OSBPL11: variants seen among roughly 807,000 people sequenced by gnomAD.
The protein encoded by OSBPL11 is oxysterol binding protein like 11, also known as oxysterol-binding protein-related protein 11.
In OSBPL11, 33 loss-of-function variants were observed where a neutral mutation model predicts 84.4. That is an observed-to-expected ratio of 0.39 (90% confidence interval 0.30 to 0.52). The LOEUF is 0.52. OSBPL11 is among the 20% of genes least tolerant of loss of function. The pLI is 0.72. For synonymous variants in OSBPL11, 276 were observed against 310.2 expected, an observed-to-expected ratio of 0.89 and a Z score of 1.16; for missense variants, 736 against 901.1, an observed-to-expected ratio of 0.82 and a Z score of 2.35.
At chr3:125,530,716 C>T (rs1411340633) in intron 12 of OSBPL11, 136 bp from the exon 13 acceptor site, 1 of 718,994 alleles carries the variant, frequency 1.4e-6, no homozygotes, top group Non-Finnish European at 2.4e-6. Flanking sequence ...GGAATAAAGT[C>T]TTTGTGATTA....
At chr3:125,580,331 A>G (rs1406955904) in intron 2 of OSBPL11, among the ~76,000 whole-genome samples, 1 of 152,048 alleles carries the variant, frequency 6.6e-6, no homozygotes, top group Non-Finnish European at 1.5e-5. Context: ...CCTGGCCAAC[A>G]TGGTGAAACC....
At chr3:125,574,846 G>C (rs1307583357) in intron 5 of OSBPL11, among the ~76,000 whole-genome samples, 1 of 152,146 alleles carries the variant, frequency 6.6e-6, no homozygotes. Flanking sequence ...TGCCTGCACA[G>C]TGTTACAAAA....
At chr3:125,555,631 G>T (rs1935981227) in intron 8 of OSBPL11, among the ~76,000 whole-genome samples, 1 of 151,650 alleles carries the variant, frequency 6.6e-6, no homozygotes. Flanking sequence ...ACAAACAAAA[G>T]ATCAGGAATC....
intron 1 of OSBPL11, among the ~76,000 whole-genome samples, chr3:125,590,533 C>T (rs1426795006): frequency 6.6e-6 from 1 of 151,970 alleles, no homozygotes; most frequent in Non-Finnish European, 1.5e-5. Context: ...CCAGCCTGCA[C>T]AAGAGGACCA....
intron 10 of OSBPL11, among the ~76,000 whole-genome samples, chr3:125,545,157 T>A (rs1935791559): frequency 6.6e-6 from 1 of 152,232 alleles, no homozygotes; most frequent in Non-Finnish European, 1.5e-5. Flanking sequence ...TTACATTTTA[T>A]GGAGAGCTAC....
chr3:125,573,872 CAAAAAAAAAAAAAAAA>C (rs35902125), intron 5 of OSBPL11, among the ~76,000 whole-genome samples: 4 of 43,526 alleles, frequency 9.2e-5, no homozygotes, highest in Non-Finnish European at 4.0e-5. Flanking sequence ...AACTCCGTCT[CAAAAAAAAAAAAAAAA>C]AAAAAAAAGG....
chr3:125,582,841 T>C, intron 2 of OSBPL11, 69 bp downstream of exon 2: 1 of 1,118,590 alleles, frequency 8.9e-7, no homozygotes. Context: ...AATATCAAAA[T>C]ATAAAATTAT....
intron 12 of OSBPL11, among the ~76,000 whole-genome samples, chr3:125,531,581 G>A (rs188979285): frequency 2.0e-3 from 305 of 152,086 alleles, no homozygotes; most frequent in Non-Finnish European, 3.3e-3. Context: ...ATGAGCCACC[G>A]AGCCCGGCCA....
intron 9 of OSBPL11, among the ~76,000 whole-genome samples, chr3:125,549,123 G>C (rs577041014): frequency 6.6e-6 from 1 of 152,184 alleles, no homozygotes; most frequent in Admixed American, 6.5e-5. Flanking sequence ...CCGGGTTCAA[G>C]CAATTCTCCT....
At chr3:125,557,526 C>G (rs959267043) in intron 8 of OSBPL11, among the ~76,000 whole-genome samples, 2 of 152,192 alleles carry the variant, frequency 1.3e-5, no homozygotes, top group Admixed American at 1.3e-4. Flanking sequence ...AGATTACAGG[C>G]GTGCACCACC....
chr3:125,531,626 C>T (rs1485499344), intron 12 of OSBPL11, among the ~76,000 whole-genome samples: 1 of 152,026 alleles, frequency 6.6e-6, no homozygotes, highest in African/African-American at 2.4e-5. Flanking sequence ...TATAGATGTT[C>T]TCACTTAGAA....
Position 125,594,835 on chromosome 3 carries a change from G to C in OSBPL11, c.-35C>G. On this transcript the variant is annotated 5_prime_UTR_variant, in exon 1 of 13. Coordinates refer to ENST00000296220, the MANE Select transcript of OSBPL11 (RefSeq NM_022776.5). The stretch of plus-strand genomic sequence containing the variant: ...AAAGTCCACTTGCCCTTCTTGAGCG[G>C]GAGAGAACAATTCTGTAGTTCTGTA... 1 of 1,603,866 alleles carries C rather than the reference G, an allele frequency of 6.2e-7. No individual in the cohort carries two copies. The highest frequency in any genetic ancestry group is 1.1e-5 in the South Asian group (1 of 90,286).
chr3:125,546,736 CA>C (rs1299380441), intron 10 of OSBPL11, among the ~76,000 whole-genome samples: 2 of 151,914 alleles, frequency 1.3e-5, no homozygotes, highest in Admixed American at 6.6e-5. Context: ...ACTAAAAATA[CA>C]AAAAGCAGCC....
intron 5 of OSBPL11, among the ~76,000 whole-genome samples, chr3:125,574,761 A>G (rs187152137): frequency 5.3e-4 from 81 of 152,306 alleles, no homozygotes; most frequent in African/African-American, 1.7e-3. Flanking sequence ...TACTCACTGT[A>G]TAATAATAAA....
At position 125,578,152 on chromosome 3, in the gene OSBPL11, A is replaced by T. The variant is rs967847820; in HGVS notation, c.489+808T>A. 7.2e-5 allele frequency among the ~76,000 whole-genome samples: 11 copies of T among 152,374 alleles called. No individual in the cohort carries two copies. The East Asian group carries it at 2.1e-3, about 29-fold the overall frequency. ...TGTCCACCAATTGATGGATTAAAAA[A>T]GTAGTATATCTATACAATAAAATAT... On this transcript the variant is annotated intron_variant, in intron 4 of 12. Coordinates refer to ENST00000296220, the MANE Select transcript of OSBPL11 (RefSeq NM_022776.5).
intron 9 of OSBPL11, among the ~76,000 whole-genome samples, chr3:125,549,203 T>G (rs997080083): frequency 2.6e-5 from 4 of 152,160 alleles, no homozygotes; most frequent in South Asian, 2.1e-4. Context: ...TTTGTATTTT[T>G]AATAGAGACG....
At chr3:125,575,505 G>A (rs1936308880) in intron 5 of OSBPL11, among the ~76,000 whole-genome samples, 1 of 145,286 alleles carries the variant, frequency 6.9e-6, no homozygotes, top group Non-Finnish European at 1.5e-5. Context: ...GAATTACAGG[G>A]ATAAGACACC....
chr3:125,558,173 C>G (rs1245615439), intron 8 of OSBPL11, among the ~76,000 whole-genome samples: 1 of 152,200 alleles, frequency 6.6e-6, no homozygotes, highest in Non-Finnish European at 1.5e-5. Flanking sequence ...GAGAGAACTT[C>G]TACCATGTGG....
intron 6 of OSBPL11, among the ~76,000 whole-genome samples, chr3:125,566,794 A>ATT (rs935625119): frequency 4.1e-5 from 6 of 144,674 alleles, no homozygotes; most frequent in African/African-American, 1.5e-4. Flanking sequence ...ATATATATAT[A>ATT]TTTTTTTTTT....
Sources: gnomAD v4.1 joint callset for allele counts (sites outside exome capture counted in the v4.1 genomes callset) on GRCh38, gnomAD v4.1.1 for gene constraint, MANE v1.5 for transcripts, NCBI Gene and HGNC (gene_info 2026-07-23, HGNC 2026-07-21) for gene names.